Variants in TUBE1 observed in about 807,000 individuals in gnomAD.
TUBE1 encodes tubulin epsilon chain.
TUBE1 carries 34 observed loss-of-function variants against 53.5 expected under a neutral mutation model. The ratio of observed to expected loss-of-function variants is 0.64; its 90% CI spans 0.48 to 0.85. TUBE1 has a LOEUF of 0.85. Ranked by LOEUF, TUBE1 falls within the 40% of genes least tolerant of loss-of-function variation. TUBE1 has a pLI of 0.00. For synonymous variants in TUBE1, 177 were observed against 198.4 expected (o/e 0.89, Z 0.91); for missense variants, 532 against 570.5 (o/e 0.93, Z 0.69).
intron 6 of TUBE1, chr6:112,077,126 G>A (rs186058986): frequency 6.6e-6 from 1 of 152,224 alleles, no homozygotes; most frequent in East Asian, 1.9e-4. Context: ...GTCTACATTT[G>A]ATATTAAGCA....
chr6:112,079,872 AAAGTC>A lies in TUBE1; in HGVS notation c.327-123_327-119del, dbSNP rs1412103067. 5 of 946,946 alleles carry A rather than the reference AAAGTC, an allele frequency of 5.3e-6. No individual in the cohort carries two copies. In the Admixed American group the frequency reaches 1.5e-4, roughly 28 times the overall value. The allele number at this position is 946,946 out of a possible 1,614,324, so 58.7% of individuals were successfully genotyped here. On this transcript the variant is annotated intron_variant, in intron 5 of 11. Coordinates refer to ENST00000368662, the MANE Select transcript of TUBE1 (RefSeq NM_016262.5). The stretch of plus-strand genomic sequence containing the variant: ...GAAAAGTATTCTTATTGAGCTAAGT[AAAGTC>A]TATTCTTGTTTCATGTAAATAAATC...
chr6:112,082,249 T>C (rs587709477), intron 4 of TUBE1, among the ~76,000 whole-genome samples: 1 of 152,294 alleles, frequency 6.6e-6, no homozygotes, highest in Admixed American at 6.5e-5. Flanking sequence ...GAGGACTGTA[T>C]AGGATTATGT....
chr6:112,078,613 A>G (rs1777013821), intron 6 of TUBE1: 1 of 152,056 alleles, frequency 6.6e-6, no homozygotes, highest in Non-Finnish European at 1.5e-5. Context: ...AACCTTTAGT[A>G]TTAATATTTA....
chr6:112,087,378 G>C lies in TUBE1; in HGVS notation c.25+32C>G, dbSNP rs200986359. On this transcript the variant is annotated intron_variant, in intron 1 of 11. Coordinates refer to ENST00000368662, the MANE Select transcript of TUBE1 (RefSeq NM_016262.5). The stretch of plus-strand genomic sequence containing the variant: ...AAACATGGCCGCTGGATTCCGCGGC[G>C]ACCAGGTCTCTACCCGCCCGGCGTA... 309 of 1,551,346 alleles carry C rather than the reference G, an allele frequency of 2.0e-4. 3 individuals carry two copies. The East Asian group carries it at 7.0e-3, about 35-fold the overall frequency.
rs781891987 is a variant in TUBE1 at position 112,079,725 on chromosome 6, A to C, written c.356T>G (p.Leu119Arg). 1 of 1,611,156 alleles carries C rather than the reference A, an allele frequency of 6.2e-7. No homozygotes were observed. Among genetic ancestry groups the C allele is most frequent in the Admixed American group, 1.7e-5 (1 of 59,572 alleles). The change falls in exon 6 of 12, where the codon CTT becomes CGT. Residue 119 changes from leucine (L) to arginine (R), a missense_variant. Leu to Arg is a moderately radical substitution (Grantham distance 102). Transcript: ENST00000368662. ...TTTCTCTAAAATCTGGTCTTGGTAA[A>C]GACTGCCGAAAACTTTGTGACCCAC... ...WAVGHKVFGS[L>R]YQDQILEKFR...
intron 11 of TUBE1, 125 bp downstream of exon 11, chr6:112,071,777 G>T: frequency 9.6e-7 from 1 of 1,036,334 alleles, no homozygotes; most frequent in Non-Finnish European, 1.4e-6. Flanking sequence ...CTCCTCTTCA[G>T]TTATAATCAG....
intron 9 of TUBE1, among the ~76,000 whole-genome samples, chr6:112,073,364 A>G (rs76852128): frequency 1.3e-5 from 2 of 152,222 alleles, no homozygotes; most frequent in African/African-American, 2.4e-5. Context: ...TTATCAAAGG[A>G]CAATGTGAAG....
chr6:112,071,403 G>T lies in TUBE1; in HGVS notation c.*9C>A, dbSNP rs782784576. The T allele has an allele frequency of 1.1e-5, 16 of 1,475,664 alleles. No homozygotes were observed. Among genetic ancestry groups the T allele is most frequent in the Middle Eastern group, 1.9e-4 (1 of 5,234 alleles). 91.4% of individuals were successfully genotyped at this position (1,475,664 alleles called of 1,614,324 possible). On this transcript the variant is annotated 3_prime_UTR_variant, in exon 12 of 12. Coordinates refer to ENST00000368662, the MANE Select transcript of TUBE1 (RefSeq NM_016262.5). Reference sequence around the variant, plus strand: ...TGAAATTAAGAAAGTATTTTTGAGGGTTTCTTTTTCACATAGCTATGCTTA... The same window carrying T: ...TGAAATTAAGAAAGTATTTTTGAGGTTTTCTTTTTCACATAGCTATGCTTA...
rs587689817 is a variant in TUBE1, at chr6:112,087,362, C to G, written c.25+48G>C. The G allele has an allele frequency of 1.9e-6, 3 of 1,551,184 alleles. No homozygotes were observed. The South Asian group carries it at 3.6e-5, about 18-fold the overall frequency. On this transcript the variant is annotated intron_variant, in intron 1 of 11. Coordinates refer to ENST00000368662, the MANE Select transcript of TUBE1 (RefSeq NM_016262.5). Reference sequence around the variant, plus strand: ...TAGGACATTAAGCAGGAAACATGGCCGCTGGATTCCGCGGCGACCAGGTCT... The same window carrying G: ...TAGGACATTAAGCAGGAAACATGGCGGCTGGATTCCGCGGCGACCAGGTCT...
At chr6:112,071,875 A>C in intron 11 of TUBE1, 27 bp downstream of exon 11, 1 of 1,560,836 alleles carries the variant, frequency 6.4e-7, no homozygotes, top group Non-Finnish European at 8.6e-7. Context: ...ATAAACACAT[A>C]CAGTTACAAA....
chr6:112,082,682 G>C (rs1178112667), intron 4 of TUBE1, among the ~76,000 whole-genome samples: 3 of 152,110 alleles, frequency 2.0e-5, no homozygotes, highest in Non-Finnish European at 4.4e-5. Flanking sequence ...CTAAACTTTG[G>C]GAGAGTATTT....
rs782017850 is a variant in TUBE1 at position 112,071,960 on chromosome 6, CAT to C, written c.1209_1210del (p.Val405GlufsTer28). The stretch of plus-strand genomic sequence containing the variant: ...CAGTTCCATGAAGGTGGGCTTCACA[CAT>C]GTGTTATTTGCTAAAGCTAATAACG... On this transcript the variant is annotated frameshift_variant, in exon 11 of 12. Transcript: ENST00000368662. LOFTEE classifies it high-confidence loss of function. 6.0e-5 allele frequency: 96 copies of C among 1,612,290 alleles called. No individual in the cohort carries two copies. The highest frequency in any genetic ancestry group is 2.0e-4 in the South Asian group (18 of 90,898).
chr6:112,074,028 C>G (rs587682455), intron 9 of TUBE1, among the ~76,000 whole-genome samples: 83 of 152,322 alleles, frequency 5.4e-4, no homozygotes, highest in Non-Finnish European at 2.9e-5. Flanking sequence ...GTGTGAGCCA[C>G]TGCACTCAGC....
At position 112,076,529 on chromosome 6, in the gene TUBE1, T is replaced by TA; in HGVS notation, c.449-21dup. ...CTGTTCCTGAGGATTAAAGTGTTTT[T>TA]AAAAATTAGCATAAATGATTCAGAA... On this transcript the variant is annotated intron_variant, in intron 6 of 11. Coordinates refer to ENST00000368662, the MANE Select transcript of TUBE1 (RefSeq NM_016262.5). 1 of 1,554,110 alleles carries TA rather than the reference T, an allele frequency of 6.4e-7. No individual in the cohort carries two copies. The highest frequency in any genetic ancestry group is 1.4e-5 in the African/African-American group (1 of 72,224).
At position 112,071,430 on chromosome 6, in the gene TUBE1, T is replaced by C. The variant is rs1188641962; in HGVS notation, c.1410A>G (p.Arg470=). Residue 470 remains arginine (R), a synonymous_variant, in exon 12 of 12, where the codon AGA becomes AGG. Transcript: ENST00000368662. The part of the protein sequence containing the change: ...TKNMPVQDLP[R]LSIAM ...TTCTTTTTCACATAGCTATGCTTAG[T>C]CTGGGTAAATCCTGCACAGGCATGT... is the stretch of plus-strand genomic sequence containing the variant. 6.3e-7 allele frequency: 1 copy of C among 1,590,400 alleles called. No homozygotes were observed. The highest frequency in any genetic ancestry group is 2.2e-5 in the East Asian group (1 of 44,790).
At position 112,071,302 on chromosome 6, in the gene TUBE1, A is replaced by G. The variant is rs1487241806; in HGVS notation, c.*110T>C. Reference sequence around the variant, plus strand: ...AGAAATCACTCTTTTAGACAAAAATATTTCCCGATAATATGAAAAAACTGG... The same window carrying G: ...AGAAATCACTCTTTTAGACAAAAATGTTTCCCGATAATATGAAAAAACTGG... On this transcript the variant is annotated 3_prime_UTR_variant, in exon 12 of 12. Coordinates refer to ENST00000368662, the MANE Select transcript of TUBE1 (RefSeq NM_016262.5). The G allele has an allele frequency of 4.5e-6, 5 of 1,101,454 alleles. No homozygotes were observed. In the African/African-American group the frequency reaches 6.3e-5, roughly 14 times the overall value. 68.2% of individuals were successfully genotyped at this position (1,101,454 alleles called of 1,614,324 possible). A position where few individuals can be genotyped will look rare whatever the true frequency, so the allele number is the denominator to read the frequency against.
At position 112,076,002 on chromosome 6, in the gene TUBE1, CT is replaced by C. The variant is rs1554315980; in HGVS notation, c.746del (p.Lys249SerfsTer10). On this transcript the variant is annotated frameshift_variant, in exon 8 of 12. Coordinates refer to ENST00000368662, the MANE Select transcript of TUBE1 (RefSeq NM_016262.5). LOFTEE classifies it high-confidence loss of function. The stretch of plus-strand genomic sequence containing the variant: ...TTGCATCAAAGGGCTTCTTATGCTG[CT>C]TTTTTAAAGCCCCAGAACTTGAAGT... ...LVTSSSGALK[K>X]QHKKPFDAMN... 2 of 1,613,754 alleles carry C rather than the reference CT, an allele frequency of 1.2e-6. No individual in the cohort carries two copies. Among genetic ancestry groups the C allele is most frequent in the African/African-American group, 2.7e-5 (2 of 74,906 alleles).
rs1554317363 is a variant in TUBE1 at position 112,086,604 on chromosome 6, C to T, written c.104G>A (p.Gly35Glu). Residue 35 changes from glycine (G) to glutamate (E), a missense_variant, in exon 3 of 12, where the codon GGA (glycine) becomes GAA (glutamate). Transcript: ENST00000368662. ...GCTGCTTATTGCCTCATCATAAATT[C>T]CTTTCTAAAAAGAAAAACATATGTT... ...LREHAAVNQK[G>E]IYDEAISSFF... 1 of 1,610,454 alleles carries T rather than the reference C, an allele frequency of 6.2e-7. No individual in the cohort carries two copies. The highest frequency in any genetic ancestry group is 1.1e-5 in the South Asian group (1 of 90,826).
chr6:112,071,740 TAGAGTA>T (rs1408911821), intron 11 of TUBE1, among the ~76,000 whole-genome samples, 156 bp downstream of exon 11: 1 of 152,198 alleles, frequency 6.6e-6, no homozygotes, highest in Non-Finnish European at 1.5e-5. Context: ...TTTTCTCATT[TAGAGTA>T]AAAGTAGCAT....
Sources: allele counts gnomAD v4.1 joint callset (sites outside exome capture counted in the v4.1 genomes callset), GRCh38; gene constraint gnomAD v4.1.1; transcripts MANE v1.5; gene names NCBI Gene and HGNC (gene_info 2026-07-23, HGNC 2026-07-21).